The following HERC3 variants were observed in gnomAD, a reference collection of about 807,000 sequenced individuals.
HERC3 encodes the protein HECT and RLD domain containing E3 ubiquitin protein ligase 3.
In HERC3, 58 loss-of-function variants were observed where a neutral mutation model predicts 129.9. The ratio of observed to expected loss-of-function variants is 0.45; its 90% confidence interval spans 0.36 to 0.56. The LOEUF is 0.56. HERC3 is among the 20% of genes least tolerant of loss of function. HERC3 has a pLI of 0.00. For synonymous variants in HERC3, 430 were observed against 451.0 expected (o/e 0.95, Z 0.59); for missense variants, 835 against 1,244.2 (o/e 0.67, Z 4.95).
chr4:88,553,501 G>T, the HERC3 span, among the ~76,000 whole-genome samples: 2 of 152,270 alleles, frequency 1.3e-5, no homozygotes, highest in South Asian at 4.1e-4. Flanking sequence ...ACTTTTAAAA[G>T]AATGACATGG....
At position 88,670,181 on chromosome 4, in the gene HERC3, A is replaced by G. The variant is rs562107312; in HGVS notation, c.1840A>G (p.Ile614Val). The change falls in exon 16 of 26, where the codon ATT (isoleucine) becomes GTT (valine). Residue 614 changes from isoleucine (I) to valine (V), a missense_variant. Coordinates refer to ENST00000402738, the MANE Select transcript of HERC3 (RefSeq NM_014606.3). The stretch of plus-strand genomic sequence containing the variant: ...GCATGTGGAATATGATACATTTTAC[A>G]TTCCTGAGATTTCCAATCTCGTGGA... ...VKHVEYDTFY[I>V]PEISNLVDIQ... The G allele has an allele frequency of 9.3e-6, 15 of 1,613,808 alleles. No homozygotes were observed. The Admixed American group carries it at 2.0e-4, about 22-fold the overall frequency.
the HERC3 span, among the ~76,000 whole-genome samples, chr4:88,579,409 AAAAC>A: frequency 8.3e-3 from 1,266 of 151,940 alleles, 17 homozygotes; most frequent in African/African-American, 0.028. Flanking sequence ...TCCATCTGAA[AAAAC>A]AAACAAACAA....
At chr4:88,658,320 C>A in intron 9 of HERC3, 95 bp from the exon 10 acceptor site, 1 of 605,236 alleles carries the variant, frequency 1.7e-6, no homozygotes, top group Non-Finnish European at 2.9e-6. Context: ...TGGATAGGTA[C>A]CCACTCTGAA....
the HERC3 span, among the ~76,000 whole-genome samples, chr4:88,552,570 A>C: frequency 6.6e-6 from 1 of 152,150 alleles, no homozygotes. Context: ...TCTTTATCCA[A>C]TCCACAACTG....
intron 23 of HERC3, chr4:88,697,952 G>T (rs1179996292): frequency 2.9e-6 from 2 of 682,568 alleles, no homozygotes; most frequent in East Asian, 2.8e-5. Flanking sequence ...TGCTCATACT[G>T]CACCAGATTC....
the HERC3 span, among the ~76,000 whole-genome samples, chr4:88,553,208 A>G: frequency 6.6e-6 from 1 of 152,254 alleles, no homozygotes; most frequent in Non-Finnish European, 1.5e-5. Context: ...GTAGACACAC[A>G]GAATTCAGCT....
chr4:88,588,044 A>G (rs1371663126), upstream of HERC3, among the ~76,000 whole-genome samples: 1 of 152,260 alleles, frequency 6.6e-6, no homozygotes, highest in Non-Finnish European at 1.5e-5. Flanking sequence ...AAAATGTTCA[A>G]CCATCCAATC....
chr4:88,636,706 A>T (rs1360156770), intron 3 of HERC3, among the ~76,000 whole-genome samples: 1 of 152,254 alleles, frequency 6.6e-6, no homozygotes, highest in South Asian at 2.1e-4. Flanking sequence ...TCAGTGCCAC[A>T]TAGCACTTAC....
At chr4:88,526,123 G>A in the HERC3 span, among the ~76,000 whole-genome samples, 4 of 152,186 alleles carry the variant, frequency 2.6e-5, no homozygotes, top group African/African-American at 4.8e-5. Context: ...TTTAAAGAAT[G>A]TTTAGCAATA....
intron 23 of HERC3, chr4:88,697,939 G>T: frequency 1.3e-6 from 1 of 752,010 alleles, no homozygotes; most frequent in Non-Finnish European, 2.1e-6. Context: ...GCTGACGGCC[G>T]TGTGCTCATA....
At chr4:88,637,491 C>T (rs1727557683) in intron 3 of HERC3, among the ~76,000 whole-genome samples, 1 of 152,162 alleles carries the variant, frequency 6.6e-6, no homozygotes, top group African/African-American at 2.4e-5. Context: ...TCCTGAATGA[C>T]TTCTGGGTAA....
intron 3 of HERC3, among the ~76,000 whole-genome samples, chr4:88,618,007 C>T (rs746435412): frequency 1.9e-4 from 29 of 152,148 alleles, no homozygotes; most frequent in Non-Finnish European, 2.9e-4. Flanking sequence ...TCCTCCAGGA[C>T]GAGCTGGAAG....
At chr4:88,614,262 C>T (rs192468492) in intron 3 of HERC3, among the ~76,000 whole-genome samples, 9 of 152,028 alleles carry the variant, frequency 5.9e-5, no homozygotes, top group African/African-American at 2.2e-4. Flanking sequence ...GTATTATTAT[C>T]CAAGGTATAT....
intron 3 of HERC3, among the ~76,000 whole-genome samples, chr4:88,649,119 A>G (rs1045405156): frequency 1.3e-5 from 2 of 151,782 alleles, no homozygotes; most frequent in African/African-American, 2.4e-5. Context: ...TTTGCCTTTC[A>G]TGTTTAAGTT....
chr4:88,602,378 G>C (rs1723093631), intron 2 of HERC3, among the ~76,000 whole-genome samples: 1 of 146,120 alleles, frequency 6.8e-6, no homozygotes, highest in Admixed American at 6.8e-5. Context: ...CTCCAGCCTG[G>C]GAGACAGAGC....
At chr4:88,575,635 A>G in the HERC3 span, among the ~76,000 whole-genome samples, 30 of 152,376 alleles carry the variant, frequency 2.0e-4, no homozygotes, top group African/African-American at 7.0e-4. Context: ...TTAGACATTC[A>G]GTAAAAACAT....
intron 3 of HERC3, among the ~76,000 whole-genome samples, chr4:88,641,002 C>T (rs1013856086): frequency 6.6e-6 from 1 of 152,204 alleles, no homozygotes; most frequent in South Asian, 2.1e-4. Flanking sequence ...CAGCAGAATA[C>T]ACTTTTTTCA....
chr4:88,693,081 A>G (rs1459563920), intron 23 of HERC3: 1 of 981,472 alleles, frequency 1.0e-6, no homozygotes, highest in African/African-American at 1.7e-5. Context: ...CAGAGTACTC[A>G]TGAATGCCCT....
the HERC3 span, among the ~76,000 whole-genome samples, chr4:88,565,373 C>T: frequency 1.3e-5 from 2 of 152,106 alleles, no homozygotes; most frequent in Non-Finnish European, 2.9e-5. Flanking sequence ...GTCTATCTCT[C>T]TCTTTAGCTA....
Sources: gnomAD v4.1 joint callset for allele counts (sites outside exome capture counted in the v4.1 genomes callset) on GRCh38, gnomAD v4.1.1 for gene constraint, MANE v1.5 for transcripts, NCBI Gene and HGNC (gene_info 2026-07-23, HGNC 2026-07-21) for gene names.